The following OR7E24 variants were observed in gnomAD, a reference collection of about 807,000 sequenced individuals.
The protein encoded by OR7E24 is olfactory receptor family 7 subfamily E member 24.
For missense variants in OR7E24, 385 were observed against 410.3 expected (o/e 0.94, Z 0.53); for synonymous variants, 130 against 157.5 (o/e 0.83, Z 1.31).
chr19:9,245,877 G>A (rs1333565964), upstream of OR7E24, among the ~76,000 whole-genome samples: 2 of 152,022 alleles, frequency 1.3e-5, no homozygotes, highest in East Asian at 1.9e-4. Context: ...TACAAAAAGA[G>A]TTAGGGTCCC....
At chr19:9,210,451 T>C in the OR7E24 span, 1 of 151,916 alleles carries the variant, frequency 6.6e-6, no homozygotes, top group South Asian at 2.1e-4. Flanking sequence ...TACAAAAAAA[T>C]AAAATAAAAT....
At chr19:9,246,161 C>G (rs2066129206), upstream of OR7E24, among the ~76,000 whole-genome samples, 2 of 143,162 alleles carry the variant, frequency 1.4e-5, no homozygotes. Flanking sequence ...CCTCCGCCTC[C>G]CAGGTTCAAG....
At position 9,251,812 on chromosome 19, in the gene OR7E24, T is replaced by A; in HGVS notation, c.769T>A (p.Ser257Thr). ...PTSDGKYKAF[S>T]TCGSHLAVVC... ...ATCAGATGGGAAGTATAAAGCCTTC[T>A]CCACCTGTGGCTCTCACCTGGCAGT... is the stretch of plus-strand genomic sequence containing the variant. The change falls in exon 1 of 1, where the codon TCC (serine) becomes ACC (threonine). Residue 257 changes from serine (S) to threonine (T), a missense_variant. Transcript: ENST00000456448. 1 of 1,613,508 alleles carries A rather than the reference T, an allele frequency of 6.2e-7. No homozygotes were observed. Among genetic ancestry groups the A allele is most frequent in the Non-Finnish European group, 8.5e-7 (1 of 1,179,680 alleles).
At chr19:9,224,184 T>C in the OR7E24 span, among the ~76,000 whole-genome samples, 2 of 151,992 alleles carry the variant, frequency 1.3e-5, no homozygotes, top group African/African-American at 2.4e-5. Context: ...AGCTTTCTCA[T>C]GCCTCTGGTC....
At chr19:9,230,938 G>A in the OR7E24 span, among the ~76,000 whole-genome samples, 2 of 152,018 alleles carry the variant, frequency 1.3e-5, no homozygotes, top group Admixed American at 6.6e-5. Context: ...TTGAGATGGA[G>A]TCTTGCTCTG....
At chr19:9,226,543 T>A in the OR7E24 span, among the ~76,000 whole-genome samples, 2 of 152,256 alleles carry the variant, frequency 1.3e-5, no homozygotes, top group Non-Finnish European at 2.9e-5. Flanking sequence ...GAACAGGCTA[T>A]GACCTAATGC....
At chr19:9,214,393 A>C in the OR7E24 span, 1 of 1,614,202 alleles carries the variant, frequency 6.2e-7, no homozygotes, top group East Asian at 2.2e-5. Flanking sequence ...ATGATGAACC[A>C]AGATGCCAGA....
chr19:9,220,901 A>G, the OR7E24 span, among the ~76,000 whole-genome samples: 2 of 152,190 alleles, frequency 1.3e-5, no homozygotes, highest in Non-Finnish European at 2.9e-5. Flanking sequence ...AGTAATAGCC[A>G]TTTGAGATGA....
the OR7E24 span, among the ~76,000 whole-genome samples, chr19:9,220,886 T>G: frequency 0.013 from 2,018 of 152,338 alleles, 26 homozygotes; most frequent in African/African-American, 0.033. Flanking sequence ...ATCTTTTGTC[T>G]TTTTAGTAAT....
chr19:9,216,662 G>A, the OR7E24 span, among the ~76,000 whole-genome samples: 1 of 152,008 alleles, frequency 6.6e-6, no homozygotes, highest in East Asian at 1.9e-4. Context: ...TGCAATGTTG[G>A]CTCACTGCAA....
chr19:9,235,143 C>T, the OR7E24 span: 4 of 1,065,382 alleles, frequency 3.8e-6, no homozygotes, highest in Non-Finnish European at 5.6e-6. Context: ...ACAACAGCTA[C>T]ATGGAAGCAG....
chr19:9,227,914 C>T, the OR7E24 span, among the ~76,000 whole-genome samples: 14 of 150,980 alleles, frequency 9.3e-5, no homozygotes, highest in East Asian at 2.0e-4. Flanking sequence ...CCACTACGCC[C>T]GGCTAATTTT....
the OR7E24 span, chr19:9,210,492 T>G: frequency 6.6e-6 from 1 of 152,272 alleles, no homozygotes; most frequent in Non-Finnish European, 1.5e-5. Context: ...CGCAGGAGGA[T>G]TACTTGAGGC....
the OR7E24 span, among the ~76,000 whole-genome samples, chr19:9,236,533 T>C: frequency 6.6e-6 from 1 of 151,760 alleles, no homozygotes; most frequent in African/African-American, 2.4e-5. Flanking sequence ...AAAAGGTTTT[T>C]GTATTAGGTT....
the OR7E24 span, among the ~76,000 whole-genome samples, chr19:9,226,673 G>C: frequency 6.6e-6 from 1 of 152,186 alleles, no homozygotes; most frequent in African/African-American, 2.4e-5. Flanking sequence ...TGTTAGCACA[G>C]GTCTTTGAAT....
chr19:9,228,559 T>C, the OR7E24 span, among the ~76,000 whole-genome samples: 102 of 152,336 alleles, frequency 6.7e-4, no homozygotes, highest in African/African-American at 2.4e-3. Context: ...GGGCTATTAC[T>C]GTCCTACCCT....
At chr19:9,237,864 A>T in the OR7E24 span, among the ~76,000 whole-genome samples, 1 of 152,210 alleles carries the variant, frequency 6.6e-6, no homozygotes, top group Non-Finnish European at 1.5e-5. Flanking sequence ...TGGTAATTAT[A>T]TGTTTAACTT....
upstream of OR7E24, among the ~76,000 whole-genome samples, chr19:9,250,234 A>G (rs2066141472): frequency 6.6e-6 from 1 of 152,064 alleles, no homozygotes; most frequent in African/African-American, 2.4e-5. Context: ...AGCTGGGACT[A>G]CAGGGCGGCG....
chr19:9,242,019 T>C, the OR7E24 span, among the ~76,000 whole-genome samples: 6 of 152,202 alleles, frequency 3.9e-5, no homozygotes, highest in South Asian at 1.2e-3. Flanking sequence ...CACGTGTTGT[T>C]TGAAACACTT....
Sources: allele counts gnomAD v4.1 joint callset (sites outside exome capture counted in the v4.1 genomes callset), GRCh38; gene constraint gnomAD v4.1.1; transcripts MANE v1.5; gene names NCBI Gene and HGNC (gene_info 2026-07-23, HGNC 2026-07-21).